Variants in TIAM1 observed in about 807,000 individuals in gnomAD.
TIAM1 encodes the protein rho guanine nucleotide exchange factor TIAM1.
TIAM1 carries 65 observed loss-of-function variants against 163.5 expected under a neutral mutation model. The ratio of observed to expected loss-of-function variants is 0.40; its 90% CI spans 0.33 to 0.49. The LOEUF (loss-of-function observed/expected upper bound fraction) is 0.49. Ranked by LOEUF, TIAM1 falls within the 20% of genes least tolerant of loss-of-function variation. TIAM1 has a pLI of 0.77. For synonymous variants in TIAM1, 833 were observed against 810.1 expected (o/e 1.03, Z -0.48); for missense variants, 1,789 against 2,044.7 (o/e 0.87, Z 2.41).
intron 2 of TIAM1, among the ~76,000 whole-genome samples, chr21:31,295,456 T>C (rs557553673): frequency 3.3e-4 from 35 of 107,600 alleles, no homozygotes; most frequent in African/African-American, 8.8e-4. Flanking sequence ...GGTGACAGAG[T>C]GAGACTCCAT....
At position 31,547,942 on chromosome 21, in the gene TIAM1, AATT is replaced by A. The variant is rs957306167; in HGVS notation, c.-422+10982_-422+10984del. 1.6e-4 allele frequency among the ~76,000 whole-genome samples: 25 copies of A among 152,284 alleles called. No homozygotes were observed. In the South Asian group the frequency reaches 1.7e-3, roughly 10 times the overall value. ...GCACACAAAAGCCCAAAACACCTGA[AATT>A]ATTATCTAGCTTTAAAGAACTTTCT... On this transcript the variant is annotated intron_variant, in intron 1 of 28. Transcript: ENST00000286827.
intron 2 of TIAM1, among the ~76,000 whole-genome samples, chr21:31,330,068 G>C (rs1601991031): frequency 6.6e-6 from 1 of 152,186 alleles, no homozygotes; most frequent in East Asian, 1.9e-4. Flanking sequence ...GTTCACATTA[G>C]GGTTCAGTCT....
rs149144278 is a variant in TIAM1, at chr21:31,374,431, A to G, written c.-368-35009T>C. Among the ~76,000 whole-genome samples the G allele has an allele frequency of 7.4e-3, 1,123 of 152,232 alleles. 13 individuals carry two copies. Among genetic ancestry groups the G allele is most frequent in the African/African-American group, 0.026 (1,084 of 41,514 alleles). On this transcript the variant is annotated intron_variant, in intron 2 of 28. Coordinates refer to the TIAM1 transcript ENST00000286827. ...TACCTACATATACGGAATATTCTGC[A>G]TCTGTCCCTCCAAATGCCCATTGGA...
chr21:31,283,814 T>C (rs924775397), intron 2 of TIAM1, among the ~76,000 whole-genome samples: 53 of 152,252 alleles, frequency 3.5e-4, no homozygotes, highest in Middle Eastern at 3.4e-3. Flanking sequence ...AGTGCTGAGA[T>C]TACAGGCATG....
At chr21:31,182,937 G>T (rs1470581318) in intron 14 of TIAM1, among the ~76,000 whole-genome samples, 3 of 152,288 alleles carry the variant, frequency 2.0e-5, no homozygotes, top group Non-Finnish European at 4.4e-5. Flanking sequence ...TCTCACAAAT[G>T]CTAATTAATT....
At chr21:31,345,683 G>A (rs950688582), upstream of TIAM1, among the ~76,000 whole-genome samples, 4 of 152,172 alleles carry the variant, frequency 2.6e-5, no homozygotes, top group Admixed American at 6.5e-5. Flanking sequence ...GGGCACGGTG[G>A]CTCACGCCTA....
intron 2 of TIAM1, among the ~76,000 whole-genome samples, chr21:31,310,645 G>T (rs553562116): frequency 6.6e-6 from 1 of 152,114 alleles, no homozygotes; most frequent in Non-Finnish European, 1.5e-5. Flanking sequence ...CAGGTCACTC[G>T]CTGCCTTTCA....
intron 1 of TIAM1, among the ~76,000 whole-genome samples, chr21:31,545,432 G>C (rs1287335644): frequency 6.6e-6 from 1 of 152,196 alleles, no homozygotes; most frequent in African/African-American, 2.4e-5. Context: ...TTGTTACCGG[G>C]AGGAAACTAA....
intron 1 of TIAM1, among the ~76,000 whole-genome samples, chr21:31,488,050 C>T (rs2046337066): frequency 6.6e-6 from 1 of 152,198 alleles, no homozygotes; most frequent in Admixed American, 6.5e-5. Flanking sequence ...TTTGTAACTC[C>T]TGACCTCAGG....
At chr21:31,200,124 C>T (rs2086117826) in intron 12 of TIAM1, among the ~76,000 whole-genome samples, 1 of 151,992 alleles carries the variant, frequency 6.6e-6, no homozygotes, top group Non-Finnish European at 1.5e-5. Context: ...TGGTGTATCC[C>T]CAGTGCCTAG....
chr21:31,131,054 G>C (rs2082396638), intron 23 of TIAM1, 106 bp from the exon 24 acceptor site: 1 of 892,228 alleles, frequency 1.1e-6, no homozygotes, highest in Non-Finnish European at 1.8e-6. Flanking sequence ...AGAGGACGTT[G>C]AGATCCCAGT....
chr21:31,298,782 G>GAT (rs1477617293), intron 2 of TIAM1, among the ~76,000 whole-genome samples: 1 of 139,802 alleles, frequency 7.2e-6, no homozygotes, highest in African/African-American at 2.9e-5. Context: ...AACAGAGAGA[G>GAT]AGAGAAAAAA....
At chr21:31,470,662 G>A (rs1020049858) in intron 1 of TIAM1, among the ~76,000 whole-genome samples, 2 of 152,210 alleles carry the variant, frequency 1.3e-5, no homozygotes, top group African/African-American at 2.4e-5. Context: ...ACAAAATTGT[G>A]TGTATGTGTG....
At chr21:31,210,345 A>T in intron 10 of TIAM1, 130 bp from the exon 11 acceptor site, 1 of 907,382 alleles carries the variant, frequency 1.1e-6, no homozygotes. Flanking sequence ...CAGTGGTGGG[A>T]GGCAGGGGAA....
chr21:31,299,789 A>C lies in TIAM1; in HGVS notation c.-188-22881T>G, dbSNP rs376497022. Among the ~76,000 whole-genome samples, 359 of 152,304 alleles carry C rather than the reference A, an allele frequency of 2.4e-3. 21 individuals are homozygous for C. The South Asian group carries it at 0.071, about 30-fold the overall frequency. On this transcript the variant is annotated intron_variant, in intron 2 of 27. Coordinates refer to ENST00000541036, the MANE Select transcript of TIAM1 (RefSeq NM_001353694.2). ...AGTGGAAAGTCATTTCACATCACCA[A>C]GCCTCGGTTTCCTCACTGGTAAAAT...
intron 2 of TIAM1, among the ~76,000 whole-genome samples, chr21:31,290,646 C>CAAAAAA (rs200030849): frequency 6.3e-5 from 4 of 63,200 alleles, no homozygotes; most frequent in African/African-American, 6.9e-5. Flanking sequence ...GACTCTATCT[C>CAAAAAA]AAAAAAAAAA....
At chr21:31,220,728 A>G (rs1195161340) in intron 8 of TIAM1, among the ~76,000 whole-genome samples, 1 of 152,228 alleles carries the variant, frequency 6.6e-6, no homozygotes, top group African/African-American at 2.4e-5. Context: ...TAATGACTCA[A>G]AATGAGCAAA....
intron 2 of TIAM1, among the ~76,000 whole-genome samples, chr21:31,334,096 G>A (rs114097100): frequency 0.01 from 1,537 of 152,286 alleles, 42 homozygotes; most frequent in African/African-American, 0.035. Context: ...TTTCCACTTC[G>A]ATTCAACCCC....
intron 2 of TIAM1, among the ~76,000 whole-genome samples, chr21:31,303,129 G>T (rs919267979): frequency 6.6e-5 from 10 of 152,090 alleles, no homozygotes; most frequent in African/African-American, 2.4e-4. Context: ...CAAAAAAGTG[G>T]TATAAAATCA....
Sources: gnomAD v4.1 joint callset for allele counts (sites outside exome capture counted in the v4.1 genomes callset) on GRCh38, gnomAD v4.1.1 for gene constraint, MANE v1.5 for transcripts, NCBI Gene and HGNC (gene_info 2026-07-23, HGNC 2026-07-21) for gene names.